The following MTUS2 variants were observed in gnomAD, a reference collection of about 807,000 sequenced individuals.
The protein encoded by MTUS2 is microtubule associated scaffold protein 2.
A neutral mutation model predicts 114.1 loss-of-function variants in MTUS2; 40 were observed. That is an observed-to-expected ratio of 0.35 (90% CI 0.27 to 0.46). MTUS2 has a LOEUF of 0.46. MTUS2 is among the 20% of genes least tolerant of loss of function. MTUS2 has a pLI of 1.00. For synonymous variants in MTUS2, 688 were observed against 672.0 expected, an observed-to-expected ratio of 1.02 and a Z score of -0.37; for missense variants, 1,679 against 1,705.4, an observed-to-expected ratio of 0.98 and a Z score of 0.27.
chr13:29,037,989 C>A (rs1887161975), intron 4 of MTUS2, among the ~76,000 whole-genome samples: 1 of 152,122 alleles, frequency 6.6e-6, no homozygotes, highest in African/African-American at 2.4e-5. Flanking sequence ...TTGGTTGTTA[C>A]CCACGTTTTG....
At chr13:29,257,981 C>T (rs750658525) in intron 5 of MTUS2, among the ~76,000 whole-genome samples, 7 of 152,180 alleles carry the variant, frequency 4.6e-5, no homozygotes, top group Non-Finnish European at 1.0e-4. Flanking sequence ...TTGCCTGAAG[C>T]CACCTCTACT....
chr13:29,060,543 C>CTTTTTTT (rs1162860492), intron 4 of MTUS2, among the ~76,000 whole-genome samples: 36 of 101,120 alleles, frequency 3.6e-4, no homozygotes, highest in African/African-American at 6.7e-4. Flanking sequence ...CCTAGCCCTT[C>CTTTTTTT]TTTTTTTTTT....
At chr13:29,194,588 G>T (rs1380601829) in intron 5 of MTUS2, among the ~76,000 whole-genome samples, 6 of 151,030 alleles carry the variant, frequency 4.0e-5, no homozygotes, top group Non-Finnish European at 7.4e-5. Flanking sequence ...TAAAAAGTCA[G>T]GAAACAACAG....
intron 8 of MTUS2, among the ~76,000 whole-genome samples, chr13:29,430,663 G>A (rs1876925314): frequency 6.6e-6 from 1 of 152,236 alleles, no homozygotes; most frequent in East Asian, 1.9e-4. Flanking sequence ...ATGAATTGAG[G>A]ACTTTCTTTT....
At chr13:28,859,090 G>C (rs902955616) in intron 2 of MTUS2, among the ~76,000 whole-genome samples, 2 of 152,192 alleles carry the variant, frequency 1.3e-5, no homozygotes, top group East Asian at 3.9e-4. Flanking sequence ...AATTACATGG[G>C]AGGCCCTGTG....
At chr13:29,193,225 A>T (rs901009040) in intron 5 of MTUS2, among the ~76,000 whole-genome samples, 1 of 152,080 alleles carries the variant, frequency 6.6e-6, no homozygotes, top group Non-Finnish European at 1.5e-5. Flanking sequence ...TTTCTTATAC[A>T]GTGAGATTGG....
chr13:28,979,618 A>G (rs1460738545), intron 2 of MTUS2, among the ~76,000 whole-genome samples: 1 of 152,152 alleles, frequency 6.6e-6, no homozygotes, highest in Non-Finnish European at 1.5e-5. Flanking sequence ...TAAAACATGT[A>G]GTCACCATGA....
intron 4 of MTUS2, among the ~76,000 whole-genome samples, chr13:29,077,617 A>C (rs983749854): frequency 4.6e-5 from 7 of 152,210 alleles, no homozygotes; most frequent in Non-Finnish European, 1.0e-4. Context: ...TGTGGTTATC[A>C]GTGAGCCACA....
At chr13:29,177,411 C>T (rs1893818605) in intron 5 of MTUS2, among the ~76,000 whole-genome samples, 1 of 150,714 alleles carries the variant, frequency 6.6e-6, no homozygotes, top group Non-Finnish European at 1.5e-5. Flanking sequence ...AGAAAATTAT[C>T]ATAGGCCCTA....
chr13:29,311,986 C>T (rs73437914), intron 6 of MTUS2, among the ~76,000 whole-genome samples: 14,820 of 152,100 alleles, frequency 0.097, 1,079 homozygotes, highest in African/African-American at 0.2. Context: ...CATTCCCTAC[C>T]CTGCTCTCCC....
At chr13:29,498,317 C>A in intron 13 of MTUS2, 101 bp from the exon 14 acceptor site, 8 of 1,530,968 alleles carry the variant, frequency 5.2e-6, no homozygotes, top group Non-Finnish European at 7.1e-6. Context: ...CATCAGGGCG[C>A]TTGTCCCAGG....
At chr13:29,497,126 C>A in intron 12 of MTUS2, 112 bp from the exon 13 acceptor site, 1 of 888,910 alleles carries the variant, frequency 1.1e-6, no homozygotes, top group Non-Finnish European at 1.8e-6. Flanking sequence ...CCAAGGGAAA[C>A]ACTCTGAGGA....
At chr13:29,446,138 C>T (rs1418002796) in intron 9 of MTUS2, among the ~76,000 whole-genome samples, 1 of 152,102 alleles carries the variant, frequency 6.6e-6, no homozygotes, top group Non-Finnish European at 1.5e-5. Context: ...GTAATCCTAC[C>T]ACTCGAAAAA....
intron 6 of MTUS2, among the ~76,000 whole-genome samples, chr13:29,290,439 C>T (rs1898660114): frequency 2.0e-5 from 3 of 152,202 alleles, no homozygotes; most frequent in Admixed American, 6.5e-5. Flanking sequence ...ACGCCATTCT[C>T]CTGCCTCAGC....
At chr13:29,373,518 A>G (rs1871352231) in intron 8 of MTUS2, among the ~76,000 whole-genome samples, 1 of 152,174 alleles carries the variant, frequency 6.6e-6, no homozygotes, top group Non-Finnish European at 1.5e-5. Context: ...CCCTGGGCTC[A>G]CCCCTGAGCT....
chr13:29,018,336 C>A (rs774549817), intron 2 of MTUS2, among the ~76,000 whole-genome samples: 2 of 152,136 alleles, frequency 1.3e-5, no homozygotes, highest in African/African-American at 2.4e-5. Context: ...GTGGTGGATC[C>A]AGTGAGTTTC....
chr13:28,975,279 T>C (rs1313881382), intron 2 of MTUS2, among the ~76,000 whole-genome samples: 1 of 152,230 alleles, frequency 6.6e-6, no homozygotes, highest in Non-Finnish European at 1.5e-5. Flanking sequence ...AAAAATCACT[T>C]CAGAGCTGTC....
Position 29,480,281 on chromosome 13 carries a change from C to G in MTUS2, c.3316C>G (p.Leu1106Val). The G allele has an allele frequency of 6.4e-7, 1 of 1,555,022 alleles. No homozygotes were observed. The highest frequency in any genetic ancestry group is 8.7e-7 in the Non-Finnish European group (1 of 1,149,374). ...ELQELEERLQ[L>V]QFEAEMARLQ... ...CCAGGAGCTGGAGGAGCGGCTGCAG[C>G]TGCAATTCGAGGCGGAAATGGCGCG... Residue 1106 changes from leucine (L) to valine (V), a missense_variant, in exon 10 of 16, where the codon CTG (leucine) becomes GTG (valine). Leu to Val is a conservative substitution (Grantham distance 32, BLOSUM62 1). This residue lies in a region of MTUS2 where 822 missense variants were observed against 899.7 expected (regional missense o/e 0.91). Transcript: ENST00000612955. This position sits in a 1 kb window ranked among gnomAD's most constrained non-coding sequence, Gnocchi z 4.4.
intron 6 of MTUS2, among the ~76,000 whole-genome samples, chr13:29,294,045 A>G (rs1898832205): frequency 2.0e-5 from 3 of 152,100 alleles, no homozygotes; most frequent in South Asian, 4.1e-4. Context: ...ACATGTTTCA[A>G]TTCTTGCTAT....
Sources: gnomAD v4.1 joint callset for allele counts (sites outside exome capture counted in the v4.1 genomes callset) on GRCh38, gnomAD v4.1.1 for gene constraint, gnomAD v4.1.1 regional missense constraint, Gnocchi (gnomAD v3.1) non-coding constraint, MANE v1.5 for transcripts, NCBI Gene and HGNC (gene_info 2026-07-23, HGNC 2026-07-21) for gene names.